Variants in DACH2 observed in about 807,000 individuals in gnomAD.
DACH2 encodes the protein dachshund family transcription factor 2.
A neutral mutation model predicts 35.8 loss-of-function variants in DACH2; 17 were observed. The ratio of observed to expected loss-of-function variants is 0.48; its 90% CI spans 0.33 to 0.71. DACH2 has a LOEUF of 0.71. Among genes scored for constraint, DACH2 ranks in the 30% least tolerant of loss-of-function variants. The pLI, the probability that DACH2 is intolerant of heterozygous loss-of-function variation, is 0.02. For synonymous variants in DACH2, 195 were observed against 177.3 expected (o/e 1.10, Z -0.79); for missense variants, 469 against 472.7 (o/e 0.99, Z 0.07).
intron 3 of DACH2, among the ~76,000 whole-genome samples, chrX:86,645,992 C>A (rs1307224650): frequency 9.0e-6 from 1 of 111,055 alleles, no homozygotes; most frequent in African/African-American, 3.3e-5. Flanking sequence ...GTACAACAAA[C>A]CCCCATGACA....
At chrX:86,670,757 T>C (rs1250062734) in intron 4 of DACH2, among the ~76,000 whole-genome samples, 1 of 112,289 alleles carries the variant, frequency 8.9e-6, no homozygotes, top group Non-Finnish European at 1.9e-5. Context: ...TTTTAAAGGT[T>C]CCTTTCTTCT....
At chrX:86,386,160 G>A (rs1457095905) in intron 2 of DACH2, among the ~76,000 whole-genome samples, 1 of 111,368 alleles carries the variant, frequency 9.0e-6, no homozygotes, top group African/African-American at 3.3e-5. Flanking sequence ...CAGCTGTAAC[G>A]GTTTCTCTCC....
chrX:86,738,800 TAGA>T (rs1478238925), intron 6 of DACH2, among the ~76,000 whole-genome samples: 2 of 111,643 alleles, frequency 1.8e-5, no homozygotes, highest in African/African-American at 6.5e-5. Context: ...TATGGAATAG[TAGA>T]AGAATTGACC....
intron 1 of DACH2, among the ~76,000 whole-genome samples, chrX:86,213,234 C>T (rs1005451050): frequency 8.1e-5 from 9 of 111,312 alleles, no homozygotes; most frequent in South Asian, 3.7e-4. Flanking sequence ...CGTAGGCCCT[C>T]GCCTATGAAT....
At chrX:86,364,468 G>A (rs2035779677) in intron 1 of DACH2, among the ~76,000 whole-genome samples, 1 of 111,447 alleles carries the variant, frequency 9.0e-6, no homozygotes, top group African/African-American at 3.3e-5. Context: ...GGAGAGATGA[G>A]GAAGCAATCC....
At chrX:86,723,241 T>A (rs1223813680) in intron 6 of DACH2, among the ~76,000 whole-genome samples, 1 of 111,716 alleles carries the variant, frequency 9.0e-6, no homozygotes, top group Non-Finnish European at 1.9e-5. Flanking sequence ...ATTTTGTTTA[T>A]GTTTTCAAAG....
intron 1 of DACH2, among the ~76,000 whole-genome samples, chrX:86,323,925 A>C (rs1235515023): frequency 1.8e-5 from 2 of 111,821 alleles, no homozygotes; most frequent in Non-Finnish European, 1.9e-5. Context: ...GTTCTTTGAG[A>C]GAATAAAAAC....
At chrX:86,556,574 G>A (rs1391735372) in intron 3 of DACH2, among the ~76,000 whole-genome samples, 1 of 107,688 alleles carries the variant, frequency 9.3e-6, no homozygotes, top group African/African-American at 3.4e-5. Context: ...ATAATGAGCT[G>A]TTTCTAGTCC....
chrX:86,299,214 A>C (rs2034526285), intron 1 of DACH2, among the ~76,000 whole-genome samples: 1 of 112,162 alleles, frequency 8.9e-6, no homozygotes. Context: ...TCTTTTTTGA[A>C]GGAGAATACG....
chrX:86,217,147 T>A (rs2032594890), intron 1 of DACH2, among the ~76,000 whole-genome samples: 1 of 108,912 alleles, frequency 9.2e-6, no homozygotes, highest in South Asian at 3.9e-4. Context: ...TAGGGACTCA[T>A]TTTTTTTCAA....
chrX:86,431,195 G>A (rs2036980024), intron 2 of DACH2, among the ~76,000 whole-genome samples: 2 of 111,686 alleles, frequency 1.8e-5, no homozygotes, highest in Admixed American at 9.6e-5. Flanking sequence ...TCTCTCTCTT[G>A]ATGGTTTATA....
At chrX:86,408,991 T>C (rs2036567905) in intron 2 of DACH2, among the ~76,000 whole-genome samples, 1 of 111,874 alleles carries the variant, frequency 8.9e-6, no homozygotes, top group Non-Finnish European at 1.9e-5. Flanking sequence ...CATTAAATGT[T>C]TACCACAGGT....
chrX:86,595,060 A>T lies in DACH2; in HGVS notation c.641-55976A>T, dbSNP rs189259924. 7.6e-3 allele frequency among the ~76,000 whole-genome samples: 842 copies of T among 110,961 alleles called. 8 individuals are homozygous for T. Among genetic ancestry groups the T allele is most frequent in the African/African-American group, 0.026 (799 of 30,545 alleles). Reference sequence around the variant, plus strand: ...TATCTCTGTAAATTTTTTGGTTCTGAAAGTTTCATTTATCTGAAATTGATA... The same window carrying T: ...TATCTCTGTAAATTTTTTGGTTCTGTAAGTTTCATTTATCTGAAATTGATA... On this transcript the variant is annotated intron_variant, in intron 3 of 11. Transcript: ENST00000373125.
rs762173975 is a variant in DACH2 at position 86,440,915 on chromosome X, T to C, written c.527+64053T>C. Among the ~76,000 whole-genome samples the C allele has an allele frequency of 3.6e-5, 4 of 111,321 alleles. No individual in the cohort carries two copies. The South Asian group carries it at 1.5e-3, about 42-fold the overall frequency. ...CTTATGTAGTTACTCTACTGTGCAA[T>C]GGAACAGCAGAGATTATCCCTCTTA... On this transcript the variant is annotated intron_variant, in intron 2 of 11. Transcript: ENST00000373125.
chrX:86,377,874 G>A (rs950729220), intron 2 of DACH2, among the ~76,000 whole-genome samples: 7 of 110,393 alleles, frequency 6.3e-5, no homozygotes, highest in Admixed American at 2.9e-4. Context: ...AGTTTTACAT[G>A]TCATGCACAC....
At chrX:86,664,028 T>G (rs2040638165) in intron 4 of DACH2, among the ~76,000 whole-genome samples, 1 of 112,127 alleles carries the variant, frequency 8.9e-6, no homozygotes, top group Admixed American at 9.5e-5. Flanking sequence ...GTTTATATTT[T>G]ATAGGCAGCA....
intron 2 of DACH2, among the ~76,000 whole-genome samples, chrX:86,461,101 C>A (rs1028977230): frequency 1.8e-5 from 2 of 110,989 alleles, no homozygotes; most frequent in Admixed American, 9.7e-5. Flanking sequence ...TCACACTGTA[C>A]CTATTTATGT....
intron 2 of DACH2, among the ~76,000 whole-genome samples, chrX:86,403,890 G>T (rs1273668857): frequency 9.0e-6 from 1 of 110,969 alleles, no homozygotes; most frequent in Admixed American, 9.6e-5. Context: ...GGAGGACTCA[G>T]GAGACTTACA....
chrX:86,773,059 C>T (rs992666228), intron 7 of DACH2, among the ~76,000 whole-genome samples: 15 of 111,465 alleles, frequency 1.3e-4, no homozygotes, highest in Admixed American at 9.6e-4. Context: ...TCCACAAATC[C>T]AACCTTAAAT....
Sources: gnomAD v4.1 joint callset for allele counts (sites outside exome capture counted in the v4.1 genomes callset) on GRCh38, gnomAD v4.1.1 for gene constraint, MANE v1.5 for transcripts, NCBI Gene and HGNC (gene_info 2026-07-23, HGNC 2026-07-21) for gene names.